CERS4: variants seen among roughly 807,000 people sequenced by gnomAD.
CERS4 encodes the protein ceramide synthase 4.
Under a neutral mutation model 51.8 loss-of-function variants are expected in CERS4, and 65 were observed. The ratio of observed to expected loss-of-function variants is 1.26; its 90% CI spans 1.03 to 1.54. The LOEUF (loss-of-function observed/expected upper bound fraction) is 1.54. CERS4 is among the 40% of genes most tolerant of loss of function. CERS4 has a pLI of 0.00. For synonymous variants in CERS4, 228 were observed against 208.4 expected, an observed-to-expected ratio of 1.09 and a Z score of -0.81; for missense variants, 563 against 500.4, an observed-to-expected ratio of 1.13 and a Z score of -1.19.
intron 2 of CERS4, among the ~76,000 whole-genome samples, chr19:8,224,393 C>T (rs1291205346): frequency 6.4e-5 from 9 of 141,100 alleles, no homozygotes; most frequent in East Asian, 2.1e-4. Flanking sequence ...GGTGACAGAG[C>T]GAGACTCCAT....
chr19:8,256,562 C>A, intron 7 of CERS4, 56 bp from the exon 8 acceptor site: 1 of 1,519,624 alleles, frequency 6.6e-7, no homozygotes, highest in Non-Finnish European at 9.0e-7. Context: ...GAGCCATACC[C>A]CTGCCCGATT....
chr19:8,256,087 C>G, intron 6 of CERS4, 149 bp from the exon 7 acceptor site: 1 of 966,322 alleles, frequency 1.0e-6, no homozygotes, highest in Non-Finnish European at 1.6e-6. Context: ...GTGAATGAGC[C>G]CCCCAGTCGA....
chr19:8,259,263 C>T (rs770103090), intron 10 of CERS4, among the ~76,000 whole-genome samples: 2 of 151,994 alleles, frequency 1.3e-5, no homozygotes, highest in African/African-American at 4.8e-5. Flanking sequence ...GACAGAACCA[C>T]GTTGATCAGA....
chr19:8,214,865 G>A (rs952224961), intron 2 of CERS4, among the ~76,000 whole-genome samples: 20 of 151,218 alleles, frequency 1.3e-4, no homozygotes, highest in Non-Finnish European at 2.4e-4. Flanking sequence ...ACTGATGAGC[G>A]TATGGAAGCA....
At chr19:8,261,575 GGGAGCCATA>G (rs1969703696) in intron 10 of CERS4, 104 bp from the exon 11 acceptor site, 1 of 1,239,412 alleles carries the variant, frequency 8.1e-7, no homozygotes, top group Admixed American at 1.9e-5. Context: ...GGGGGCACTA[GGGAGCCATA>G]GGTGGTTATG....
intron 2 of CERS4, among the ~76,000 whole-genome samples, chr19:8,227,130 A>G (rs181917102): frequency 1.3e-3 from 202 of 152,208 alleles, no homozygotes; most frequent in African/African-American, 4.6e-3. Flanking sequence ...CTGTCTCAAA[A>G]AAAAGAGAAT....
chr19:8,211,378 G>A (rs1252361813), intron 2 of CERS4, among the ~76,000 whole-genome samples: 1 of 152,120 alleles, frequency 6.6e-6, no homozygotes, highest in Non-Finnish European at 1.5e-5. Flanking sequence ...CTGGGCTTGA[G>A]CCTGACCACC....
intron 2 of CERS4, among the ~76,000 whole-genome samples, chr19:8,217,687 C>T (rs1259389672): frequency 6.6e-6 from 1 of 152,000 alleles, no homozygotes; most frequent in Non-Finnish European, 1.5e-5. Flanking sequence ...CAGGTGCCCA[C>T]CACCACGCCT....
Position 8,228,631 on chromosome 19 carries a change from C to T in CERS4, c.-2+17769C>T, listed in dbSNP as rs12611198. Among the ~76,000 whole-genome samples, 8 of 151,614 alleles carry T rather than the reference C, an allele frequency of 5.3e-5. No individual in the cohort carries two copies. The East Asian group carries it at 1.2e-3, about 22-fold the overall frequency. On this transcript the variant is annotated intron_variant, in intron 2 of 11. Transcript: ENST00000251363. ...CGGAGGTTGCAGTGAGCTGAGATCC[C>T]GCCGTTGCACTGCAGCCTGGGCAAC...
At position 8,255,599 on chromosome 19, in the gene CERS4, C is replaced by CA; in HGVS notation, c.292-8_292-7insA. The CA allele has an allele frequency of 6.2e-7, 1 of 1,607,266 alleles. No individual in the cohort carries two copies. The highest frequency in any genetic ancestry group is 8.5e-7 in the Non-Finnish European group (1 of 1,177,494). ...CTGTGACCCTTGTCCTCATCACCCCCTCCCCAGCCCCAGCTGTCTCTCCTG... is the reference window on the plus strand; with the variant it reads ...CTGTGACCCTTGTCCTCATCACCCCCATCCCCAGCCCCAGCTGTCTCTCCTG... On this transcript the variant is annotated splice_region_variant and splice_polypyrimidine_tract_variant and intron_variant, in intron 4 of 11. Coordinates refer to ENST00000251363, the MANE Select transcript of CERS4 (RefSeq NM_024552.3).
At chr19:8,259,059 A>C (rs1219945956) in intron 10 of CERS4, among the ~76,000 whole-genome samples, 2 of 152,092 alleles carry the variant, frequency 1.3e-5, no homozygotes, top group Non-Finnish European at 2.9e-5. Context: ...ACTTGAACCC[A>C]GGAGGCAGAG....
intron 9 of CERS4, among the ~76,000 whole-genome samples, chr19:8,257,313 C>T (rs543944747): frequency 5.3e-5 from 8 of 152,174 alleles, no homozygotes; most frequent in African/African-American, 1.4e-4. Context: ...CAGAGGCCCC[C>T]GCCTTCTCAG....
At chr19:8,247,003 T>C (rs529922868) in intron 2 of CERS4, among the ~76,000 whole-genome samples, 3 of 152,116 alleles carry the variant, frequency 2.0e-5, no homozygotes. Flanking sequence ...CCATCTCTAC[T>C]AAAAATATAA....
At chr19:8,213,571 G>A (rs1967166123) in intron 2 of CERS4, among the ~76,000 whole-genome samples, 1 of 152,110 alleles carries the variant, frequency 6.6e-6, no homozygotes, top group South Asian at 2.1e-4. Context: ...ACCTCCCAAA[G>A]CACTAGGATT....
chr19:8,219,221 G>A (rs1382477848), intron 2 of CERS4, among the ~76,000 whole-genome samples: 1 of 151,758 alleles, frequency 6.6e-6, no homozygotes, highest in Non-Finnish European at 1.5e-5. Flanking sequence ...AAAAAAAGGT[G>A]GTGACTTGAT....
intron 2 of CERS4, among the ~76,000 whole-genome samples, chr19:8,233,627 A>AT (rs1029988866): frequency 5.3e-5 from 8 of 151,600 alleles, no homozygotes; most frequent in Non-Finnish European, 7.4e-5. Context: ...CTTTGCTTTT[A>AT]TTTTTTTTAA....
At chr19:8,209,568 G>A (rs2145142142) in intron 1 of CERS4, 74 bp downstream of exon 1, 1 of 152,214 alleles carries the variant, frequency 6.6e-6, no homozygotes, top group South Asian at 2.1e-4. Context: ...CCGCCTCCGC[G>A]GCCATGGCGG....
intron 2 of CERS4, among the ~76,000 whole-genome samples, chr19:8,214,161 A>T (rs1435821733): frequency 7.7e-6 from 1 of 130,690 alleles, no homozygotes; most frequent in East Asian, 1.9e-4. Context: ...GGGTCCCATG[A>T]CACTGTGTCT....
intron 2 of CERS4, 108 bp from the exon 3 acceptor site, chr19:8,250,968 G>A (rs954298057): frequency 2.0e-5 from 29 of 1,480,870 alleles, no homozygotes; most frequent in Non-Finnish European, 2.4e-5. Flanking sequence ...TGTCAACTGC[G>A]CTGATAGGGG....
Sources: allele counts gnomAD v4.1 joint callset (sites outside exome capture counted in the v4.1 genomes callset), GRCh38; gene constraint gnomAD v4.1.1; transcripts MANE v1.5; gene names NCBI Gene and HGNC (gene_info 2026-07-23, HGNC 2026-07-21).